Variants in TTC17 observed in about 807,000 individuals in gnomAD.
TTC17 encodes tetratricopeptide repeat domain 17, also known as tetratricopeptide repeat protein 17.
Under a neutral mutation model 143.8 loss-of-function variants are expected in TTC17, and 58 were observed. The ratio of observed to expected loss-of-function variants is 0.40; its 90% CI spans 0.33 to 0.50. TTC17 has a LOEUF of 0.50. Among genes scored for constraint, TTC17 ranks in the 20% least tolerant of loss-of-function variants. The pLI is 0.49. For missense variants in TTC17, 1,273 were observed against 1,392.5 expected (o/e 0.91, Z 1.37); for synonymous variants, 501 against 497.8 (o/e 1.01, Z -0.09).
At chr11:43,485,542 G>A (rs1948363838) in intron 21 of TTC17, among the ~76,000 whole-genome samples, 1 of 152,068 alleles carries the variant, frequency 6.6e-6, no homozygotes, top group Non-Finnish European at 1.5e-5. Context: ...AAGAAAGGCA[G>A]GCCAGGGAGA....
chr11:43,464,858 C>T lies in TTC17; in HGVS notation c.3030+13593C>T, dbSNP rs372582720. ...GATTGGATACTAGAAAGGCTAAGGTCCTGCTGAGAAGGGAAGGACAGAGAT... is the reference window on the plus strand; with the variant it reads ...GATTGGATACTAGAAAGGCTAAGGTTCTGCTGAGAAGGGAAGGACAGAGAT... On this transcript the variant is annotated intron_variant, in intron 21 of 23. Coordinates refer to ENST00000039989, the MANE Select transcript of TTC17 (RefSeq NM_018259.6). Among the ~76,000 whole-genome samples, 4 of 152,036 alleles carry T rather than the reference C, an allele frequency of 2.6e-5. No individual in the cohort carries two copies. The East Asian group carries it at 7.7e-4, about 29-fold the overall frequency.
At chr11:43,403,143 A>G (rs978316922) in intron 10 of TTC17, among the ~76,000 whole-genome samples, 2 of 152,178 alleles carry the variant, frequency 1.3e-5, no homozygotes, top group Non-Finnish European at 2.9e-5. Context: ...AGCATTTTAA[A>G]GGGAAGAAGG....
chr11:43,487,715 C>T (rs1367731422), intron 21 of TTC17, among the ~76,000 whole-genome samples: 1 of 152,202 alleles, frequency 6.6e-6, no homozygotes, highest in Non-Finnish European at 1.5e-5. Context: ...GAACAAAATG[C>T]CACAGACAGG....
intron 21 of TTC17, among the ~76,000 whole-genome samples, chr11:43,474,429 A>C (rs1948148048): frequency 6.6e-6 from 1 of 152,216 alleles, no homozygotes; most frequent in East Asian, 1.9e-4. Context: ...AATGGGGTGG[A>C]GAGGACAAGG....
chr11:43,407,562 C>T lies in TTC17; in HGVS notation c.2049C>T (p.Ala683=), dbSNP rs758235815. Residue 683 remains alanine, a synonymous_variant, in exon 15 of 24, where the codon GCC becomes GCT. Coordinates refer to ENST00000039989, the MANE Select transcript of TTC17 (RefSeq NM_018259.6). Reference sequence around the variant, plus strand: ...CTAAGCTGCTACTTCAAGCTTTGGCCATCAATAGCTCTGAGGTGAGGTTTT... The same window carrying T: ...CTAAGCTGCTACTTCAAGCTTTGGCTATCAATAGCTCTGAGGTGAGGTTTT... ...DATKLLLQAL[A]INSSEPLTFL... The T allele has an allele frequency of 2.5e-6, 4 of 1,613,852 alleles. No individual in the cohort carries two copies. In the South Asian group the frequency reaches 4.4e-5, roughly 18 times the overall value.
At chr11:43,360,126 A>T (rs917097764) in intron 1 of TTC17, among the ~76,000 whole-genome samples, 1 of 151,914 alleles carries the variant, frequency 6.6e-6, no homozygotes, top group Admixed American at 6.5e-5. Flanking sequence ...GATTGTGTGT[A>T]ATGAATCATG....
chr11:43,391,396 C>A (rs1857380087), intron 3 of TTC17, 69 bp from the exon 4 acceptor site: 2 of 1,076,696 alleles, frequency 1.9e-6, no homozygotes, highest in Non-Finnish European at 2.8e-6. Context: ...GAGACCCTTT[C>A]TCTAAATAAA....
At chr11:43,361,771 A>T (rs552363516) in intron 1 of TTC17, among the ~76,000 whole-genome samples, 1 of 152,292 alleles carries the variant, frequency 6.6e-6, no homozygotes, top group East Asian at 1.9e-4. Context: ...CATAAGTGTG[A>T]TTTCAGTTTT....
In TTC17 at chr11:43,397,501, A is replaced by G. The variant is rs934957523; in HGVS notation, c.918+10A>G. The G allele has an allele frequency of 3.5e-5, 55 of 1,571,236 alleles. No individual in the cohort carries two copies. Among genetic ancestry groups the G allele is most frequent in the Admixed American group, 7.2e-5 (4 of 55,664 alleles). On this transcript the variant is annotated intron_variant, in intron 7 of 23. Transcript: ENST00000039989. The stretch of plus-strand genomic sequence containing the variant: ...GGGGAATATATATGCAGTAAGTACT[A>G]CTCTTTGTTTCATGAGTCATGCTAG...
At chr11:43,407,692 A>G (rs1351791759) in intron 15 of TTC17, 115 bp downstream of exon 15, 1 of 992,898 alleles carries the variant, frequency 1.0e-6, no homozygotes, top group Non-Finnish European at 1.5e-6. Context: ...TGTCTTTCAC[A>G]GTAGCGTTTG....
chr11:43,492,195 C>T (rs895911695), intron 23 of TTC17, 32 bp downstream of exon 23: 4 of 1,597,498 alleles, frequency 2.5e-6, no homozygotes, highest in Non-Finnish European at 3.4e-6. Context: ...TATGTACCAA[C>T]TCTGCCAAAC....
chr11:43,440,083 C>T (rs930170188), intron 16 of TTC17, among the ~76,000 whole-genome samples: 2 of 152,244 alleles, frequency 1.3e-5, no homozygotes, highest in Admixed American at 6.5e-5. Context: ...TTGCTTCAAG[C>T]ATAATTTGAA....
At chr11:43,377,774 A>G (rs1479864599) in intron 1 of TTC17, among the ~76,000 whole-genome samples, 2 of 152,222 alleles carry the variant, frequency 1.3e-5, no homozygotes, top group Non-Finnish European at 2.9e-5. Context: ...GTAACTTTTT[A>G]ATCTAAAGCT....
At chr11:43,412,997 CA>C (rs1372817682) in intron 15 of TTC17, among the ~76,000 whole-genome samples, 6 of 149,504 alleles carry the variant, frequency 4.0e-5, no homozygotes, top group Non-Finnish European at 7.5e-5. Flanking sequence ...CACACACACA[CA>C]CACACACACA....
At chr11:43,421,784 G>A (rs1035731560) in intron 16 of TTC17, among the ~76,000 whole-genome samples, 1 of 150,420 alleles carries the variant, frequency 6.6e-6, no homozygotes, top group African/African-American at 2.4e-5. Context: ...ATGTTATAAT[G>A]TAATAACGAA....
At chr11:43,366,959 A>G (rs1194979267) in intron 1 of TTC17, among the ~76,000 whole-genome samples, 1 of 152,146 alleles carries the variant, frequency 6.6e-6, no homozygotes, top group Non-Finnish European at 1.5e-5. Context: ...TCATTTTCTC[A>G]GTGAAGCTTC....
At chr11:43,371,032 G>A (rs999337173) in intron 1 of TTC17, among the ~76,000 whole-genome samples, 11 of 151,164 alleles carry the variant, frequency 7.3e-5, no homozygotes, top group South Asian at 4.2e-4. Context: ...GTGGGGGGGG[G>A]GGTCTTGAAC....
chr11:43,372,999 G>A (rs1045550513), intron 1 of TTC17, among the ~76,000 whole-genome samples: 3 of 152,068 alleles, frequency 2.0e-5, no homozygotes, highest in African/African-American at 7.2e-5. Flanking sequence ...TCGTATTTTT[G>A]TGAAAATATT....
chr11:43,399,889 T>C lies in TTC17; in HGVS notation c.1060T>C (p.Ser354Pro), dbSNP rs1451451209. 6.3e-7 allele frequency: 1 copy of C among 1,592,328 alleles called. No individual in the cohort carries two copies. Among genetic ancestry groups the C allele is most frequent in the Non-Finnish European group, 8.5e-7 (1 of 1,172,902 alleles). ...LEQKLEAQHR[S>P]LQRTLNELKE... Reference sequence around the variant, plus strand: ...TTCCTGGTATTAAAAAATGTTAAGATCTCTCCAGCGAACACTGAATGAGTT... The same window carrying C: ...TTCCTGGTATTAAAAAATGTTAAGACCTCTCCAGCGAACACTGAATGAGTT... The change falls in exon 9 of 24, where the codon TCT becomes CCT. Residue 354 changes from serine (S) to proline (P), a missense_variant and splice_region_variant. By Grantham distance (74) the Ser-to-Pro change is moderately conservative. This residue lies in a region of TTC17 where 325 missense variants were observed against 444.2 expected (regional missense o/e 0.73). Transcript: ENST00000039989.
Sources: allele counts gnomAD v4.1 joint callset (sites outside exome capture counted in the v4.1 genomes callset), GRCh38; gene constraint gnomAD v4.1.1; regional missense constraint gnomAD v4.1.1; transcripts MANE v1.5; gene names NCBI Gene and HGNC (gene_info 2026-07-23, HGNC 2026-07-21).